Variants in CCDC85A observed in about 807,000 individuals in gnomAD.
CCDC85A encodes the protein coiled-coil domain-containing protein 85A.
Under a neutral mutation model 50.2 loss-of-function variants are expected in CCDC85A, and 38 were observed. That is an observed-to-expected ratio of 0.76 (90% CI 0.58 to 0.99). CCDC85A has a LOEUF of 0.99. Among genes scored for constraint, CCDC85A ranks in the 50% least tolerant of loss-of-function variants. CCDC85A has a pLI of 0.00. For missense variants in CCDC85A, 820 were observed against 742.0 expected (o/e 1.11, Z -1.22); for synonymous variants, 366 against 301.4 (o/e 1.21, Z -2.22).
chr2:56,292,690 G>T (rs1671770962), intron 2 of CCDC85A, among the ~76,000 whole-genome samples: 1 of 152,232 alleles, frequency 6.6e-6, no homozygotes, highest in South Asian at 2.1e-4. Context: ...GGCTTACACT[G>T]GGACATGAGA....
intron 2 of CCDC85A, among the ~76,000 whole-genome samples, chr2:56,332,428 C>T (rs888124608): frequency 2.6e-5 from 4 of 152,166 alleles, no homozygotes; most frequent in African/African-American, 7.2e-5. Flanking sequence ...CAGTGCCTGC[C>T]ATGAAGGGGA....
At chr2:56,269,080 T>A (rs1670584858) in intron 2 of CCDC85A, among the ~76,000 whole-genome samples, 1 of 152,190 alleles carries the variant, frequency 6.6e-6, no homozygotes, top group Admixed American at 6.5e-5. Flanking sequence ...TCTTACCTCA[T>A]CCCTTCTTGG....
chr2:56,353,293 C>A (rs1291841984), intron 3 of CCDC85A, among the ~76,000 whole-genome samples: 6 of 152,168 alleles, frequency 3.9e-5, no homozygotes. Context: ...AACATGCAGT[C>A]CCCTTAATGT....
intron 2 of CCDC85A, among the ~76,000 whole-genome samples, chr2:56,200,631 A>G (rs1001030574): frequency 2.6e-5 from 4 of 152,230 alleles, no homozygotes; most frequent in African/African-American, 9.6e-5. Flanking sequence ...CTTTAGCAGC[A>G]GAGAGGCAGG....
At chr2:56,217,068 G>T (rs1406903949) in intron 2 of CCDC85A, among the ~76,000 whole-genome samples, 1 of 151,856 alleles carries the variant, frequency 6.6e-6, no homozygotes, top group Non-Finnish European at 1.5e-5. Context: ...TCATGGTCTT[G>T]CTGCTTTTCC....
intron 2 of CCDC85A, among the ~76,000 whole-genome samples, chr2:56,319,240 C>T (rs1422777854): frequency 1.3e-5 from 2 of 152,066 alleles, no homozygotes; most frequent in East Asian, 3.9e-4. Context: ...GTTATTAACC[C>T]ATTTTTCAAA....
chr2:56,350,356 A>G (rs1362678698), intron 3 of CCDC85A, among the ~76,000 whole-genome samples: 1 of 152,024 alleles, frequency 6.6e-6, no homozygotes, highest in Non-Finnish European at 1.5e-5. Context: ...GGATCACTTG[A>G]GGTTAGGAGT....
intron 2 of CCDC85A, among the ~76,000 whole-genome samples, chr2:56,275,899 T>C (rs997564150): frequency 6.6e-6 from 1 of 152,180 alleles, no homozygotes; most frequent in South Asian, 2.1e-4. Context: ...ATCTGACCTT[T>C]TGTTTTGGTA....
chr2:56,372,557 T>TG, intron 4 of CCDC85A, 79 bp downstream of exon 4: 1 of 1,365,762 alleles, frequency 7.3e-7, no homozygotes, highest in African/African-American at 1.5e-5. Context: ...AAAGTTATAC[T>TG]GGGGGGTAGA....
rs1676335663 is a variant in CCDC85A, at chr2:56,192,385, C to T, written c.277-92C>T. 4 of 1,509,394 alleles carry T rather than the reference C, an allele frequency of 2.7e-6. No homozygotes were observed. The highest frequency in any genetic ancestry group is 3.5e-6 in the Non-Finnish European group (4 of 1,129,154). 93.5% of individuals were successfully genotyped at this position (1,509,394 alleles called of 1,614,324 possible). On this transcript the variant is annotated intron_variant, in intron 1 of 5. Transcript: ENST00000407595. This position sits in a 1 kb window ranked among gnomAD's most constrained non-coding sequence, Gnocchi z 4.7. ...TCCTCCCCTAACCTCACAGGTAATT[C>T]ACCAGTTACAGGCTCTCCCTTTCCA... is the stretch of plus-strand genomic sequence containing the variant.
At position 56,336,477 on chromosome 2, in the gene CCDC85A, G is replaced by A. The variant is rs191067256; in HGVS notation, c.1241-6402G>A. On this transcript the variant is annotated intron_variant, in intron 2 of 5. Coordinates refer to ENST00000407595, the MANE Select transcript of CCDC85A (RefSeq NM_001080433.2). ...CCTCCTCTTATACACTCTTAAAAATGCTGTAGTTTGTGTCAGAATGGACCA... is the reference window on the plus strand; with the variant it reads ...CCTCCTCTTATACACTCTTAAAAATACTGTAGTTTGTGTCAGAATGGACCA... Among the ~76,000 whole-genome samples the A allele has an allele frequency of 2.3e-3, 357 of 152,226 alleles. 1 individual carries two copies. The highest frequency in any genetic ancestry group is 4.6e-3 in the Non-Finnish European group (312 of 68,018).
chr2:56,275,219 C>T (rs967133683), intron 2 of CCDC85A, among the ~76,000 whole-genome samples: 1 of 151,818 alleles, frequency 6.6e-6, no homozygotes, highest in African/African-American at 2.4e-5. Flanking sequence ...TTATATTAGG[C>T]CTGCTGGCCT....
At chr2:56,185,457 C>T (rs202174564) in intron 1 of CCDC85A, among the ~76,000 whole-genome samples, 1 of 152,180 alleles carries the variant, frequency 6.6e-6, no homozygotes, top group African/African-American at 2.4e-5. Context: ...CAAGCTCTGC[C>T]TTCACGTCTT....
At chr2:56,326,742 C>G (rs911163735) in intron 2 of CCDC85A, among the ~76,000 whole-genome samples, 1 of 151,980 alleles carries the variant, frequency 6.6e-6, no homozygotes, top group Non-Finnish European at 1.5e-5. Flanking sequence ...GTATGTCATT[C>G]TTTCATAACT....
chr2:56,207,735 T>C (rs181886192), intron 2 of CCDC85A, among the ~76,000 whole-genome samples: 39 of 152,262 alleles, frequency 2.6e-4, no homozygotes, highest in African/African-American at 8.9e-4. Flanking sequence ...TCATGCCTTA[T>C]GGGACTGTAA....
intron 2 of CCDC85A, among the ~76,000 whole-genome samples, chr2:56,254,951 G>A (rs1328107854): frequency 6.6e-6 from 1 of 152,324 alleles, no homozygotes; most frequent in Non-Finnish European, 1.5e-5. Flanking sequence ...GCATCACAAA[G>A]GTTTGCTTCT....
chr2:56,247,440 G>A (rs1669561110), intron 2 of CCDC85A, among the ~76,000 whole-genome samples: 1 of 152,088 alleles, frequency 6.6e-6, no homozygotes, highest in African/African-American at 2.4e-5. Flanking sequence ...CATGCAACTG[G>A]CACTTTTCAT....
intron 2 of CCDC85A, among the ~76,000 whole-genome samples, chr2:56,200,246 G>T (rs560199441): frequency 3.9e-5 from 6 of 152,254 alleles, no homozygotes; most frequent in African/African-American, 1.4e-4. Flanking sequence ...TCAAATATTT[G>T]CTTCTTGGAT....
Position 56,184,433 on chromosome 2 carries a change from C to A in CCDC85A, c.-192C>A. The A allele has an allele frequency of 1.7e-6, 1 of 593,096 alleles. No individual in the cohort carries two copies. The highest frequency in any genetic ancestry group is 2.4e-6 in the Non-Finnish European group (1 of 418,344). 36.7% of individuals were successfully genotyped at this position (593,096 alleles called of 1,614,324 possible). On this transcript the variant is annotated 5_prime_UTR_variant, in exon 1 of 6. Transcript: ENST00000407595. ...GCCGGGCCCTGGGGGAGCGCGGGCG[C>A]GCGCGCGGGGATGGCGAGGTAGGAT...
Sources: allele counts gnomAD v4.1 joint callset (sites outside exome capture counted in the v4.1 genomes callset), GRCh38; gene constraint gnomAD v4.1.1; non-coding constraint Gnocchi (gnomAD v3.1); transcripts MANE v1.5; gene names NCBI Gene and HGNC (gene_info 2026-07-23, HGNC 2026-07-21).